Variants in LUZP2 observed in about 807,000 individuals in gnomAD.
The protein encoded by LUZP2 is leucine zipper protein 2.
In LUZP2, 52 loss-of-function variants were observed where a neutral mutation model predicts 51.6. The ratio of observed to expected loss-of-function variants is 1.01; its 90% CI spans 0.81 to 1.27. The LOEUF is 1.27. Ranked by LOEUF, LUZP2 falls within the 50% of genes most tolerant of loss-of-function variation. The pLI, the probability that LUZP2 is intolerant of heterozygous loss-of-function variation, is 0.00. For synonymous variants in LUZP2, 154 were observed against 137.3 expected (o/e 1.12, Z -0.85); for missense variants, 436 against 395.4 (o/e 1.10, Z -0.87).
At chr11:24,993,091 A>C (rs1034904921) in intron 9 of LUZP2, among the ~76,000 whole-genome samples, 1 of 152,140 alleles carries the variant, frequency 6.6e-6, no homozygotes, top group African/African-American at 2.4e-5. Context: ...CTGAATTTTC[A>C]GGGAAATTAG....
rs140941302 is a variant in LUZP2, at chr11:24,778,848, A to C, written c.396+15540A>C. On this transcript the variant is annotated intron_variant, in intron 5 of 11. Coordinates refer to ENST00000336930, the MANE Select transcript of LUZP2 (RefSeq NM_001009909.4). ...CATGATTTTTTAATTTCAGCTTCAC[A>C]ATTCAAAAACTATAAATTCTTAGTC... 1.8e-4 allele frequency among the ~76,000 whole-genome samples: 27 copies of C among 152,292 alleles called. No individual in the cohort carries two copies. The East Asian group carries it at 5.2e-3, about 29-fold the overall frequency.
intron 7 of LUZP2, among the ~76,000 whole-genome samples, chr11:24,926,663 A>ATT (rs888267437): frequency 1.6e-5 from 2 of 126,288 alleles, no homozygotes; most frequent in Non-Finnish European, 3.4e-5. Flanking sequence ...GTGTGTATAT[A>ATT]TATATGTGTG....
intron 1 of LUZP2, among the ~76,000 whole-genome samples, chr11:24,643,276 AAT>A (rs1486736133): frequency 5.4e-4 from 79 of 146,880 alleles, no homozygotes; most frequent in African/African-American, 1.9e-3. Context: ...AAAAAAAAAA[AAT>A]TAGCTGGGCG....
chr11:24,913,224 T>A (rs1435727658), intron 6 of LUZP2, among the ~76,000 whole-genome samples: 2 of 152,204 alleles, frequency 1.3e-5, no homozygotes, highest in Non-Finnish European at 2.9e-5. Context: ...TCTGTCCCTA[T>A]TTGTTTGCCT....
At chr11:24,990,774 T>A (rs577537074) in intron 9 of LUZP2, among the ~76,000 whole-genome samples, 1 of 151,968 alleles carries the variant, frequency 6.6e-6, no homozygotes, top group Non-Finnish European at 1.5e-5. Context: ...CAAGAATATA[T>A]ATTTTTCAAA....
intron 7 of LUZP2, among the ~76,000 whole-genome samples, chr11:24,954,818 A>G (rs1855170503): frequency 6.6e-6 from 1 of 152,082 alleles, no homozygotes; most frequent in African/African-American, 2.4e-5. Context: ...GATATTCTAC[A>G]AGATAGTATA....
chr11:24,522,769 G>C (rs1242242326), intron 1 of LUZP2, among the ~76,000 whole-genome samples: 1 of 151,622 alleles, frequency 6.6e-6, no homozygotes, highest in African/African-American at 2.4e-5. Context: ...TCCGATTTGG[G>C]GTATCGATGA....
chr11:24,667,336 A>G (rs988646124), intron 1 of LUZP2, among the ~76,000 whole-genome samples: 6 of 151,764 alleles, frequency 4.0e-5, no homozygotes, highest in Non-Finnish European at 7.4e-5. Flanking sequence ...GACATGTGCC[A>G]CCATGCTTGG....
intron 1 of LUZP2, among the ~76,000 whole-genome samples, chr11:24,581,675 ATAAATATAAATATAAATATAAAT>A (rs1852861274): frequency 2.8e-4 from 1 of 3,536 alleles, no homozygotes. Flanking sequence ...TGTCTAAAAT[ATAAATATAAATATAAATATAAAT>A]ATAAATATAA....
chr11:24,692,401 G>A (rs1041474115), intron 1 of LUZP2, among the ~76,000 whole-genome samples: 9 of 152,006 alleles, frequency 5.9e-5, no homozygotes, highest in African/African-American at 2.2e-4. Flanking sequence ...AAGTAGTAAA[G>A]GCTATTCTAA....
chr11:24,566,796 AT>A (rs1852243596), intron 1 of LUZP2, among the ~76,000 whole-genome samples: 1 of 146,272 alleles, frequency 6.8e-6, no homozygotes, highest in Non-Finnish European at 1.5e-5. Context: ...TATAATGTAT[AT>A]ATACATATTT....
chr11:24,993,696 C>T (rs1856416938), intron 9 of LUZP2, among the ~76,000 whole-genome samples: 1 of 152,226 alleles, frequency 6.6e-6, no homozygotes, highest in South Asian at 2.1e-4. Flanking sequence ...AATAATACTA[C>T]ATCCTTTTCA....
At position 25,067,235 on chromosome 11, in the gene LUZP2, T is replaced by G. The variant is rs575311670; in HGVS notation, c.859-10094T>G. ...TGGCCACTTTTTGATGAAGTTGTTT[T>G]TTTCTGTAACTTTGTTTAAGTTCTT... On this transcript the variant is annotated intron_variant, in intron 10 of 11. Transcript: ENST00000336930. Among the ~76,000 whole-genome samples, 13 of 152,166 alleles carry G rather than the reference T, an allele frequency of 8.5e-5. No homozygotes were observed. In the South Asian group the frequency reaches 2.5e-3, roughly 29 times the overall value.
intron 1 of LUZP2, among the ~76,000 whole-genome samples, chr11:24,707,771 G>C (rs58991832): frequency 6.6e-6 from 1 of 152,026 alleles, no homozygotes; most frequent in Non-Finnish European, 1.5e-5. Context: ...ATAAAGTTTC[G>C]GTACCGCAAA....
At chr11:24,829,382 C>A (rs2134175230) in intron 5 of LUZP2, among the ~76,000 whole-genome samples, 1 of 152,214 alleles carries the variant, frequency 6.6e-6, no homozygotes, top group East Asian at 1.9e-4. Flanking sequence ...TGCACACACA[C>A]AAAGAAGAGG....
At chr11:24,991,813 A>G (rs910510090) in intron 9 of LUZP2, among the ~76,000 whole-genome samples, 2 of 152,128 alleles carry the variant, frequency 1.3e-5, no homozygotes, top group African/African-American at 4.8e-5. Context: ...CATTTCCCTG[A>G]TCATTAGTGA....
chr11:24,557,088 G>A (rs1480167526), intron 1 of LUZP2, among the ~76,000 whole-genome samples: 5 of 151,958 alleles, frequency 3.3e-5, no homozygotes, highest in East Asian at 1.9e-4. Context: ...TGAAGCTTCC[G>A]GGTATTTCCA....
chr11:24,748,629 T>A (rs754678978), intron 4 of LUZP2, among the ~76,000 whole-genome samples: 2 of 152,076 alleles, frequency 1.3e-5, no homozygotes, highest in Non-Finnish European at 2.9e-5. Context: ...CCAGCTAATT[T>A]TGTATTTTCA....
At chr11:24,790,781 C>T (rs986157265) in intron 5 of LUZP2, among the ~76,000 whole-genome samples, 1 of 152,148 alleles carries the variant, frequency 6.6e-6, no homozygotes, top group African/African-American at 2.4e-5. Context: ...GGATTACAGA[C>T]GTGAGCCATC....
Sources: allele counts gnomAD v4.1 joint callset (sites outside exome capture counted in the v4.1 genomes callset), GRCh38; gene constraint gnomAD v4.1.1; transcripts MANE v1.5; gene names NCBI Gene and HGNC (gene_info 2026-07-23, HGNC 2026-07-21).